Variants in RNF150 observed in about 807,000 individuals in gnomAD.
RNF150 encodes ring finger protein 150.
A neutral mutation model predicts 39.3 loss-of-function variants in RNF150; 24 were observed. The observed-to-expected ratio is 0.61, with a 90% CI of 0.44 to 0.86. The LOEUF (loss-of-function observed/expected upper bound fraction) is 0.86. RNF150 is among the 40% of genes least tolerant of loss of function. The probability of loss-of-function intolerance (pLI) is 0.00; values close to 1 mark genes in which losing one functional copy is unlikely to be tolerated. For synonymous variants in RNF150, 255 were observed against 227.3 expected (o/e 1.12, Z -1.10); for missense variants, 502 against 587.8 (o/e 0.85, Z 1.51).
chr4:141,171,938 T>C (rs1017398118), intron 1 of RNF150, among the ~76,000 whole-genome samples: 14 of 152,318 alleles, frequency 9.2e-5, no homozygotes, highest in Admixed American at 6.5e-5. Context: ...CGTCTAGTCA[T>C]GCTTAGAGTA....
At chr4:140,941,213 A>G (rs1578988587) in intron 4 of RNF150, among the ~76,000 whole-genome samples, 1 of 152,220 alleles carries the variant, frequency 6.6e-6, no homozygotes. Flanking sequence ...TTGAGTATCT[A>G]CAATATAAAA....
intron 1 of RNF150, among the ~76,000 whole-genome samples, chr4:140,991,950 C>T (rs1000934707): frequency 1.3e-5 from 2 of 152,038 alleles, no homozygotes; most frequent in Non-Finnish European, 2.9e-5. Flanking sequence ...TACAAAATGT[C>T]TTCTGAAAAG....
intron 1 of RNF150, among the ~76,000 whole-genome samples, chr4:141,121,788 G>A (rs546775372): frequency 3.1e-4 from 47 of 152,132 alleles, no homozygotes; most frequent in Non-Finnish European, 5.6e-4. Flanking sequence ...TTTTATTCAC[G>A]TAGGATTTTG....
At chr4:140,932,577 G>A (rs1299136318) in intron 4 of RNF150, among the ~76,000 whole-genome samples, 1 of 152,130 alleles carries the variant, frequency 6.6e-6, no homozygotes, top group African/African-American at 2.4e-5. Flanking sequence ...GGTAGTTGGA[G>A]GTATTCAAAC....
chr4:141,080,836 G>A (rs1455497788), intron 1 of RNF150, among the ~76,000 whole-genome samples: 1 of 152,196 alleles, frequency 6.6e-6, no homozygotes. Flanking sequence ...AGAGGCAAAG[G>A]TACAGTGAGG....
chr4:141,022,203 C>T (rs1735520790), intron 1 of RNF150, among the ~76,000 whole-genome samples: 1 of 152,124 alleles, frequency 6.6e-6, no homozygotes, highest in Non-Finnish European at 1.5e-5. Flanking sequence ...AATCTCTTTG[C>T]ACTGGGTTTT....
intron 1 of RNF150, among the ~76,000 whole-genome samples, chr4:141,016,399 G>A (rs887413904): frequency 1.3e-5 from 2 of 152,148 alleles, no homozygotes; most frequent in Non-Finnish European, 2.9e-5. Flanking sequence ...ACATTTTCTG[G>A]CAAATTGTGA....
chr4:140,935,644 GAAGT>G (rs1001530104), intron 4 of RNF150, among the ~76,000 whole-genome samples: 16 of 152,080 alleles, frequency 1.1e-4, no homozygotes, highest in African/African-American at 3.4e-4. Flanking sequence ...ATAAAAATCT[GAAGT>G]AATCAAAGAA....
intron 6 of RNF150, among the ~76,000 whole-genome samples, chr4:140,891,075 A>G (rs1443640550): frequency 6.6e-6 from 1 of 152,208 alleles, no homozygotes; most frequent in Non-Finnish European, 1.5e-5. Flanking sequence ...TTCCATGCTC[A>G]TGGCAGGTGG....
At chr4:140,999,106 T>C (rs1734484877) in intron 1 of RNF150, among the ~76,000 whole-genome samples, 1 of 152,128 alleles carries the variant, frequency 6.6e-6, no homozygotes, top group Admixed American at 6.6e-5. Context: ...TGATAATTTA[T>C]TACTCTGAAA....
intron 1 of RNF150, among the ~76,000 whole-genome samples, chr4:141,163,295 A>C (rs550097942): frequency 1.4e-4 from 21 of 152,260 alleles, no homozygotes; most frequent in Admixed American, 3.3e-4. Flanking sequence ...GAAAGGCAGC[A>C]CCTCCAGTCA....
intron 1 of RNF150, among the ~76,000 whole-genome samples, chr4:141,042,178 C>T (rs190346849): frequency 7.9e-5 from 12 of 152,148 alleles, no homozygotes; most frequent in Non-Finnish European, 1.2e-4. Context: ...CGAACAATTG[C>T]TAGTGAATCA....
chr4:140,952,006 A>C (rs1732559554), intron 2 of RNF150, among the ~76,000 whole-genome samples: 1 of 151,976 alleles, frequency 6.6e-6, no homozygotes, highest in Non-Finnish European at 1.5e-5. Context: ...ACTCAAAGGG[A>C]AATAATTTTT....
Position 140,989,744 on chromosome 4 carries a change from C to CT in RNF150, c.485-21872dup, listed in dbSNP as rs373314707. ...ACCAAATCACTATCCTTTCACCTTG[C>CT]TTTTTTTTTTTAACTACATAAAACA... On this transcript the variant is annotated intron_variant, in intron 1 of 6. Coordinates refer to ENST00000515673, the MANE Select transcript of RNF150 (RefSeq NM_020724.2). Among the ~76,000 whole-genome samples, 888 of 145,578 alleles carry CT rather than the reference C, an allele frequency of 6.1e-3. 9 individuals carry two copies. The highest frequency in any genetic ancestry group is 0.021 in the African/African-American group (835 of 39,932).
chr4:141,107,418 G>A (rs1445511997), intron 1 of RNF150, among the ~76,000 whole-genome samples: 1 of 152,158 alleles, frequency 6.6e-6, no homozygotes, highest in Non-Finnish European at 1.5e-5. Context: ...GAGAGGCTGG[G>A]TGACTTGTTC....
intron 1 of RNF150, among the ~76,000 whole-genome samples, chr4:141,017,327 T>C (rs1171305312): frequency 3.3e-5 from 5 of 152,098 alleles, no homozygotes; most frequent in Non-Finnish European, 4.4e-5. Context: ...TAAATTAATA[T>C]AATTTATTTT....
chr4:140,925,434 T>C (rs940515502), intron 5 of RNF150, among the ~76,000 whole-genome samples: 9 of 152,164 alleles, frequency 5.9e-5, no homozygotes, highest in Admixed American at 5.9e-4. Flanking sequence ...AGTGCTAGCA[T>C]TAAGTAGCTC....
intron 2 of RNF150, among the ~76,000 whole-genome samples, chr4:140,962,434 T>C (rs1733076975): frequency 6.6e-6 from 1 of 151,600 alleles, no homozygotes; most frequent in Non-Finnish European, 1.5e-5. Context: ...TATTTCTTCA[T>C]ATGTATTCAT....
intron 4 of RNF150, among the ~76,000 whole-genome samples, chr4:140,945,126 ATAG>A (rs2111366133): frequency 6.6e-6 from 1 of 152,340 alleles, no homozygotes; most frequent in Non-Finnish European, 1.5e-5. Flanking sequence ...TATGGAAATA[ATAG>A]TAGATGGACA....
Sources: gnomAD v4.1 joint callset for allele counts (sites outside exome capture counted in the v4.1 genomes callset) on GRCh38, gnomAD v4.1.1 for gene constraint, MANE v1.5 for transcripts, NCBI Gene and HGNC (gene_info 2026-07-23, HGNC 2026-07-21) for gene names.